The following ADAMTSL1 variants were observed in gnomAD, a reference collection of about 807,000 sequenced individuals.
ADAMTSL1 encodes ADAMTS like 1.
A neutral mutation model predicts 201.8 loss-of-function variants in ADAMTSL1; 126 were observed. The observed-to-expected ratio is 0.62, with a 90% CI of 0.54 to 0.72. ADAMTSL1 has a LOEUF of 0.72. ADAMTSL1 is among the 30% of genes least tolerant of loss of function. ADAMTSL1 has a pLI of 0.00. For missense variants in ADAMTSL1, 2,679 were observed against 2,277.8 expected (o/e 1.18, Z -3.59); for synonymous variants, 1,121 against 903.4 (o/e 1.24, Z -4.32).
intron 23 of ADAMTSL1, among the ~76,000 whole-genome samples, chr9:18,877,135 C>T (rs1828211655): frequency 6.6e-6 from 1 of 152,016 alleles, no homozygotes; most frequent in Non-Finnish European, 1.5e-5. Flanking sequence ...GAGACTTTTC[C>T]ATCCATATCC....
chr9:17,947,412 G>A (rs931141515), intron 1 of ADAMTSL1, among the ~76,000 whole-genome samples: 1 of 151,362 alleles, frequency 6.6e-6, no homozygotes, highest in African/African-American at 2.4e-5. Context: ...CACAGTTTGG[G>A]CACAATTTCA....
intron 13 of ADAMTSL1, among the ~76,000 whole-genome samples, chr9:18,704,130 A>C (rs1408388696): frequency 6.6e-6 from 1 of 152,166 alleles, no homozygotes; most frequent in Non-Finnish European, 1.5e-5. Flanking sequence ...CACAGGCCAA[A>C]TCCAGACCCT....
At chr9:18,063,051 G>T (rs555112133) in intron 1 of ADAMTSL1, among the ~76,000 whole-genome samples, 1 of 152,118 alleles carries the variant, frequency 6.6e-6, no homozygotes, top group African/African-American at 2.4e-5. Flanking sequence ...GTTTGTTGCC[G>T]GGTGTGGTAG....
intron 4 of ADAMTSL1, among the ~76,000 whole-genome samples, chr9:18,620,727 C>A (rs535986167): frequency 3.3e-5 from 5 of 152,256 alleles, no homozygotes; most frequent in African/African-American, 1.2e-4. Context: ...TACACTGAAC[C>A]CATAGGGATA....
intron 1 of ADAMTSL1, among the ~76,000 whole-genome samples, chr9:17,973,708 A>C (rs1421553831): frequency 2.2e-4 from 27 of 122,298 alleles, no homozygotes; most frequent in Admixed American, 1.9e-3. Flanking sequence ...GAAGAAAGTC[A>C]CTGGTAGCTT....
chr9:17,954,955 C>T (rs117914558), intron 1 of ADAMTSL1, among the ~76,000 whole-genome samples: 2,974 of 152,140 alleles, frequency 0.02, 77 homozygotes, highest in Admixed American at 0.074. Context: ...CCAGAGGCCC[C>T]TTAGGAAATG....
chr9:18,316,309 G>A (rs1320016411), intron 2 of ADAMTSL1, among the ~76,000 whole-genome samples: 1 of 152,062 alleles, frequency 6.6e-6, no homozygotes, highest in Non-Finnish European at 1.5e-5. Flanking sequence ...AGGGCAACTG[G>A]TCTGACCAAA....
chr9:18,523,137 C>G (rs1470022776), intron 2 of ADAMTSL1, among the ~76,000 whole-genome samples: 1 of 152,178 alleles, frequency 6.6e-6, no homozygotes, highest in Non-Finnish European at 1.5e-5. Flanking sequence ...CCCATTCTAA[C>G]TGGTGTGAGA....
At chr9:18,297,658 T>G (rs557457334) in intron 2 of ADAMTSL1, among the ~76,000 whole-genome samples, 9 of 152,348 alleles carry the variant, frequency 5.9e-5, no homozygotes, top group South Asian at 2.1e-4. Flanking sequence ...TGTCTTTCGC[T>G]GCTGGTTAGG....
At chr9:18,196,348 A>T (rs1377433024) in intron 2 of ADAMTSL1, among the ~76,000 whole-genome samples, 2 of 152,040 alleles carry the variant, frequency 1.3e-5, no homozygotes, top group Non-Finnish European at 2.9e-5. Flanking sequence ...ACCTCATCGT[A>T]AAAGAGGAGT....
intron 2 of ADAMTSL1, among the ~76,000 whole-genome samples, chr9:18,443,965 C>T (rs147988733): frequency 6.6e-6 from 1 of 152,214 alleles, no homozygotes; most frequent in East Asian, 1.9e-4. Context: ...TGGAGATGAT[C>T]TTGTGTTCTA....
intron 13 of ADAMTSL1, among the ~76,000 whole-genome samples, chr9:18,700,567 C>T (rs1450185125): frequency 1.3e-5 from 2 of 151,980 alleles, no homozygotes; most frequent in African/African-American, 4.8e-5. Flanking sequence ...ATTAATGTCT[C>T]AAGGATTGCC....
intron 1 of ADAMTSL1, among the ~76,000 whole-genome samples, chr9:18,107,415 C>G (rs1824805817): frequency 6.6e-6 from 1 of 152,120 alleles, no homozygotes; most frequent in African/African-American, 2.4e-5. Context: ...ATGCATGAAG[C>G]TGAAACAAAA....
chr9:17,949,287 G>A (rs1237054293), intron 1 of ADAMTSL1, among the ~76,000 whole-genome samples: 1 of 152,310 alleles, frequency 6.6e-6, no homozygotes, highest in East Asian at 1.9e-4. Flanking sequence ...CAGGGACAGA[G>A]TCAGGAGGTG....
chr9:18,557,155 C>T (rs1197267475), intron 3 of ADAMTSL1, among the ~76,000 whole-genome samples: 1 of 152,016 alleles, frequency 6.6e-6, no homozygotes, highest in African/African-American at 2.4e-5. Flanking sequence ...ATGAAACAGT[C>T]TGAGAACTCC....
chr9:18,534,341 G>T (rs1191162856), intron 3 of ADAMTSL1, among the ~76,000 whole-genome samples: 1 of 151,984 alleles, frequency 6.6e-6, no homozygotes, highest in Non-Finnish European at 1.5e-5. Context: ...CCATCCTGGG[G>T]AGCATAGCAA....
chr9:18,121,986 G>A (rs528771829), intron 1 of ADAMTSL1, among the ~76,000 whole-genome samples: 65 of 152,166 alleles, frequency 4.3e-4, no homozygotes, highest in Admixed American at 1.2e-3. Flanking sequence ...GACATAAAAG[G>A]CCATATATCA....
At chr9:18,280,544 A>AT (rs1832744457) in intron 2 of ADAMTSL1, among the ~76,000 whole-genome samples, 1 of 152,130 alleles carries the variant, frequency 6.6e-6, no homozygotes, top group Non-Finnish European at 1.5e-5. Flanking sequence ...GTGCCTCACT[A>AT]TTTTGGCAGA....
chr9:18,368,491 A>T (rs1435344639), intron 2 of ADAMTSL1, among the ~76,000 whole-genome samples: 1 of 152,092 alleles, frequency 6.6e-6, no homozygotes, highest in Non-Finnish European at 1.5e-5. Flanking sequence ...ATTTAGACAG[A>T]TTTTTTTGTC....
Sources: allele counts gnomAD v4.1 joint callset (sites outside exome capture counted in the v4.1 genomes callset), GRCh38; gene constraint gnomAD v4.1.1; transcripts MANE v1.5; gene names NCBI Gene and HGNC (gene_info 2026-07-23, HGNC 2026-07-21).